OPCML: variants seen among roughly 807,000 people sequenced by gnomAD.
The protein encoded by OPCML is opioid binding protein/cell adhesion molecule like.
A neutral mutation model predicts 37.8 loss-of-function variants in OPCML; 13 were observed. The observed-to-expected ratio is 0.34, with a 90% CI of 0.22 to 0.55. OPCML has a LOEUF of 0.55. Ranked by LOEUF, OPCML falls within the 20% of genes least tolerant of loss-of-function variation. OPCML has a pLI of 0.91. For missense variants in OPCML, 341 were observed against 435.6 expected (o/e 0.78, Z 1.93); for synonymous variants, 176 against 168.8 (o/e 1.04, Z -0.33).
chr11:133,090,989 G>C (rs1948896833), intron 1 of OPCML, among the ~76,000 whole-genome samples: 1 of 152,200 alleles, frequency 6.6e-6, no homozygotes, highest in Admixed American at 6.5e-5. Flanking sequence ...GAGTGCTAAG[G>C]CCTTGAGGGT....
At chr11:133,289,786 T>C (rs899960885) in intron 1 of OPCML, among the ~76,000 whole-genome samples, 1 of 152,072 alleles carries the variant, frequency 6.6e-6, no homozygotes, top group African/African-American at 2.4e-5. Flanking sequence ...AGCTACATTC[T>C]TGTTTCTTCT....
At chr11:132,954,116 T>C (rs970614223) in intron 1 of OPCML, among the ~76,000 whole-genome samples, 2 of 137,022 alleles carry the variant, frequency 1.5e-5, no homozygotes, top group Non-Finnish European at 3.2e-5. Flanking sequence ...TCAAACATTC[T>C]TTCTTGGGTT....
intron 1 of OPCML, among the ~76,000 whole-genome samples, chr11:132,986,822 A>G (rs565725898): frequency 6.6e-6 from 1 of 152,328 alleles, no homozygotes; most frequent in East Asian, 1.9e-4. Flanking sequence ...GAAGTTCCCT[A>G]TAGATTCCAT....
chr11:132,605,460 A>G (rs1186732855), intron 3 of OPCML, among the ~76,000 whole-genome samples: 1 of 151,948 alleles, frequency 6.6e-6, no homozygotes, highest in Admixed American at 6.6e-5. Flanking sequence ...GCTACTCGGG[A>G]GGCTGAGGTA....
intron 1 of OPCML, among the ~76,000 whole-genome samples, chr11:133,249,986 T>C (rs1309890845): frequency 2.0e-5 from 3 of 152,174 alleles, no homozygotes; most frequent in African/African-American, 4.8e-5. Context: ...GGAAATTCCA[T>C]CTAACAACCC....
chr11:133,303,217 GC>G (rs954290918), intron 1 of OPCML, among the ~76,000 whole-genome samples: 1 of 152,114 alleles, frequency 6.6e-6, no homozygotes, highest in Non-Finnish European at 1.5e-5. Flanking sequence ...GAAAATATGA[GC>G]CCCCCTGGTG....
chr11:133,063,568 G>GTTTTTTTTT (rs34801498), intron 1 of OPCML, among the ~76,000 whole-genome samples: 255 of 149,286 alleles, frequency 1.7e-3, no homozygotes, highest in African/African-American at 6.2e-3. Context: ...AGAGCTGTTG[G>GTTTTTTTTT]TTTTTTTTTT....
At chr11:132,951,398 A>G (rs930234496) in intron 1 of OPCML, among the ~76,000 whole-genome samples, 2 of 152,284 alleles carry the variant, frequency 1.3e-5, no homozygotes, top group South Asian at 4.1e-4. Context: ...CGTGGGGAAG[A>G]AAACTCTCTC....
chr11:133,125,073 G>A (rs573820302), intron 1 of OPCML, among the ~76,000 whole-genome samples: 14 of 152,236 alleles, frequency 9.2e-5, no homozygotes, highest in African/African-American at 3.1e-4. Flanking sequence ...TTGGAATGGC[G>A]ATTGTAATCA....
chr11:133,288,065 G>T (rs1354211010), intron 1 of OPCML, among the ~76,000 whole-genome samples: 3 of 152,138 alleles, frequency 2.0e-5, no homozygotes, highest in Non-Finnish European at 4.4e-5. Context: ...TGAGAACTTG[G>T]ATGGATTCTA....
intron 7 of OPCML, among the ~76,000 whole-genome samples, chr11:132,432,124 C>T (rs1435315456): frequency 6.6e-6 from 1 of 152,204 alleles, no homozygotes; most frequent in Admixed American, 6.5e-5. Context: ...AATCCCAGCA[C>T]AAGCACTGAT....
At chr11:132,917,956 G>T (rs113000358) in intron 2 of OPCML, among the ~76,000 whole-genome samples, 2,460 of 152,222 alleles carry the variant, frequency 0.016, 70 homozygotes, top group African/African-American at 0.055. Flanking sequence ...ATTTCTGGAA[G>T]AAACTCATCC....
At chr11:133,062,429 C>T (rs949950812) in intron 1 of OPCML, among the ~76,000 whole-genome samples, 2 of 152,216 alleles carry the variant, frequency 1.3e-5, no homozygotes, top group Non-Finnish European at 2.9e-5. Flanking sequence ...TTGACAAATA[C>T]TGCTGAGTAG....
intron 1 of OPCML, among the ~76,000 whole-genome samples, chr11:133,025,718 C>A (rs540260883): frequency 6.8e-6 from 1 of 147,840 alleles, no homozygotes; most frequent in African/African-American, 2.5e-5. Flanking sequence ...AAGGTGCCTG[C>A]CGATTTGATT....
intron 2 of OPCML, among the ~76,000 whole-genome samples, chr11:132,751,892 A>G (rs1220218525): frequency 6.6e-6 from 1 of 152,236 alleles, no homozygotes; most frequent in Non-Finnish European, 1.5e-5. Context: ...ACATGTGCTT[A>G]TAACTGTTAG....
At chr11:132,975,927 T>C (rs1946452681) in intron 1 of OPCML, among the ~76,000 whole-genome samples, 1 of 152,058 alleles carries the variant, frequency 6.6e-6, no homozygotes, top group African/African-American at 2.4e-5. Flanking sequence ...CCCGCCACCA[T>C]GCCCGGCTAA....
chr11:132,771,846 A>T (rs1326391073), intron 2 of OPCML: 1 of 152,226 alleles, frequency 6.6e-6, no homozygotes, highest in Non-Finnish European at 1.5e-5. Flanking sequence ...CTGTTAGAAA[A>T]AAAGTGTTAC....
Position 132,652,381 on chromosome 11 carries a change from CACACAG to C in OPCML, c.379+4700_379+4705del, listed in dbSNP as rs772622022. On this transcript the variant is annotated intron_variant, in intron 3 of 7. Transcript: ENST00000524381. Reference sequence around the variant, plus strand: ...ACACACACACACACACACACACACACACACAGAGAGAGAAATCCTGAAAATGTTCCA... The same window carrying C: ...ACACACACACACACACACACACACACAGAGAGAAATCCTGAAAATGTTCCA... Among the ~76,000 whole-genome samples, 55 of 150,544 alleles carry C rather than the reference CACACAG, an allele frequency of 3.7e-4. 1 individual carries two copies. Among genetic ancestry groups the C allele is most frequent in the African/African-American group, 9.8e-4 (40 of 40,754 alleles).
intron 1 of OPCML, among the ~76,000 whole-genome samples, chr11:133,111,915 G>A (rs542565024): frequency 6.6e-6 from 1 of 152,270 alleles, no homozygotes; most frequent in South Asian, 2.1e-4. Flanking sequence ...AGAGTTATCT[G>A]TGACTATTTT....
Sources: gnomAD v4.1 joint callset for allele counts (sites outside exome capture counted in the v4.1 genomes callset) on GRCh38, gnomAD v4.1.1 for gene constraint, MANE v1.5 for transcripts, NCBI Gene and HGNC (gene_info 2026-07-23, HGNC 2026-07-21) for gene names.